Variants in NRXN3 observed in about 807,000 individuals in gnomAD.
NRXN3 encodes neurexin 3, also known as neurexin III.
In NRXN3, 32 loss-of-function variants were observed where a neutral mutation model predicts 137.6. The ratio of observed to expected loss-of-function variants is 0.23; its 90% CI spans 0.18 to 0.31. The LOEUF is 0.31. NRXN3 is among the 10% of genes least tolerant of loss of function. The pLI, the probability that NRXN3 is intolerant of heterozygous loss-of-function variation, is 1.00. For missense variants in NRXN3, 1,574 were observed against 2,062.5 expected, an observed-to-expected ratio of 0.76 and a Z score of 4.59; for synonymous variants, 798 against 784.5, an observed-to-expected ratio of 1.02 and a Z score of -0.29.
At chr14:78,421,048 A>G (rs2093421670) in intron 4 of NRXN3, among the ~76,000 whole-genome samples, 2 of 152,188 alleles carry the variant, frequency 1.3e-5, no homozygotes, top group African/African-American at 4.8e-5. Context: ...GCAGATCACA[A>G]GGTCAAGGGA....
intron 15 of NRXN3, among the ~76,000 whole-genome samples, chr14:79,087,092 C>T (rs377006762): frequency 6.6e-6 from 1 of 152,132 alleles, no homozygotes; most frequent in Non-Finnish European, 1.5e-5. Flanking sequence ...TCCTTGTCTA[C>T]GAGGAACATC....
chr14:79,517,510 G>A (rs191483786), intron 16 of NRXN3, among the ~76,000 whole-genome samples: 2 of 151,952 alleles, frequency 1.3e-5, no homozygotes, highest in Admixed American at 1.3e-4. Flanking sequence ...TCCTTATTTC[G>A]ACACTTAATT....
At chr14:79,136,536 C>G (rs1016214673) in intron 15 of NRXN3, among the ~76,000 whole-genome samples, 22 of 152,164 alleles carry the variant, frequency 1.4e-4, no homozygotes, top group African/African-American at 4.8e-4. Flanking sequence ...TTAGGAGAAG[C>G]TGAATGGATT....
At chr14:78,399,716 T>A (rs1344136492) in intron 4 of NRXN3, among the ~76,000 whole-genome samples, 1 of 152,236 alleles carries the variant, frequency 6.6e-6, no homozygotes, top group South Asian at 2.1e-4. Flanking sequence ...TTGACAGTAA[T>A]TTTTATTTGC....
intron 15 of NRXN3, among the ~76,000 whole-genome samples, chr14:79,024,881 A>AT (rs1430657772): frequency 6.6e-6 from 1 of 152,122 alleles, no homozygotes; most frequent in Admixed American, 6.6e-5. Flanking sequence ...TTGTTGAGCA[A>AT]TTATTAAATA....
At chr14:79,100,943 T>G (rs2051169342) in intron 15 of NRXN3, among the ~76,000 whole-genome samples, 1 of 152,220 alleles carries the variant, frequency 6.6e-6, no homozygotes, top group Admixed American at 6.5e-5. Context: ...TGGATTGATG[T>G]GAATGTTGAA....
At chr14:78,559,655 T>C (rs753344215) in intron 4 of NRXN3, among the ~76,000 whole-genome samples, 2 of 152,252 alleles carry the variant, frequency 1.3e-5, no homozygotes, top group Non-Finnish European at 2.9e-5. Context: ...TTCTTGACAA[T>C]ACTTGGCATT....
intron 15 of NRXN3, among the ~76,000 whole-genome samples, chr14:79,372,629 A>G (rs1196224210): frequency 1.3e-5 from 2 of 152,180 alleles, no homozygotes; most frequent in South Asian, 2.1e-4. Flanking sequence ...TGATCATGCA[A>G]TGTGGTATTT....
At chr14:78,666,443 C>A (rs1049399847) in intron 6 of NRXN3, among the ~76,000 whole-genome samples, 1 of 152,144 alleles carries the variant, frequency 6.6e-6, no homozygotes, top group African/African-American at 2.4e-5. Context: ...CCCATAACTT[C>A]TAGAAGCCAG....
chr14:79,580,745 A>G (rs2097707753), intron 16 of NRXN3, among the ~76,000 whole-genome samples: 1 of 151,780 alleles, frequency 6.6e-6, no homozygotes, highest in East Asian at 1.9e-4. Context: ...GCTTTGGCTT[A>G]AAAAAAAGTC....
intron 2 of NRXN3, among the ~76,000 whole-genome samples, chr14:78,255,109 A>C (rs2069328228): frequency 6.8e-6 from 1 of 146,022 alleles, no homozygotes; most frequent in South Asian, 2.3e-4. Context: ...AAAGGGGATG[A>C]GGCTAGTCTT....
At chr14:79,215,839 T>C (rs934725518) in intron 15 of NRXN3, among the ~76,000 whole-genome samples, 1 of 152,126 alleles carries the variant, frequency 6.6e-6, no homozygotes, top group African/African-American at 2.4e-5. Context: ...AGTTGGAAAG[T>C]AGAAACAATA....
intron 20 of NRXN3, among the ~76,000 whole-genome samples, chr14:79,809,221 T>A (rs1427855745): frequency 6.6e-6 from 1 of 152,228 alleles, no homozygotes; most frequent in East Asian, 1.9e-4. Flanking sequence ...ATAATAGGGC[T>A]GCCCTGACAA....
intron 4 of NRXN3, among the ~76,000 whole-genome samples, chr14:78,305,196 G>T (rs1480767858): frequency 1.3e-5 from 2 of 152,142 alleles, no homozygotes; most frequent in Non-Finnish European, 2.9e-5. Context: ...TTTGTAGAGT[G>T]GTGTGGGAAA....
At chr14:79,760,303 TA>T (rs1446238757) in intron 19 of NRXN3, among the ~76,000 whole-genome samples, 1 of 151,608 alleles carries the variant, frequency 6.6e-6, no homozygotes. Context: ...GGTAACTAAC[TA>T]AAAGAAGGAC....
chr14:78,965,459 C>A (rs926928354), intron 11 of NRXN3, among the ~76,000 whole-genome samples: 4 of 152,086 alleles, frequency 2.6e-5, no homozygotes, highest in African/African-American at 9.7e-5. Context: ...TTAGGGTCAA[C>A]TTTATCCAGT....
At chr14:78,348,793 C>A (rs975376281) in intron 4 of NRXN3, among the ~76,000 whole-genome samples, 4 of 152,118 alleles carry the variant, frequency 2.6e-5, no homozygotes, top group Non-Finnish European at 5.9e-5. Flanking sequence ...ACTGTAGCAC[C>A]ACGACTTTAG....
At chr14:78,747,349 A>G (rs546231155) in intron 8 of NRXN3, among the ~76,000 whole-genome samples, 11 of 152,338 alleles carry the variant, frequency 7.2e-5, no homozygotes, top group Middle Eastern at 3.4e-3. Flanking sequence ...AGTGTGTTCA[A>G]TAATTGTTAG....
chr14:79,342,840 G>A (rs1320444275), intron 15 of NRXN3, among the ~76,000 whole-genome samples: 2 of 152,160 alleles, frequency 1.3e-5, no homozygotes, highest in African/African-American at 4.8e-5. Flanking sequence ...CAGGGGAATT[G>A]CAATGGGGAA....
Sources: allele counts gnomAD v4.1 joint callset (sites outside exome capture counted in the v4.1 genomes callset), GRCh38; gene constraint gnomAD v4.1.1; transcripts MANE v1.5; gene names NCBI Gene and HGNC (gene_info 2026-07-23, HGNC 2026-07-21).